Variants in GLIS1 observed in about 807,000 individuals in gnomAD.
GLIS1 encodes the protein zinc finger protein GLIS1.
In GLIS1, 24 loss-of-function variants were observed where a neutral mutation model predicts 63.8. The observed-to-expected ratio is 0.38, with a 90% CI of 0.27 to 0.53. The LOEUF (loss-of-function observed/expected upper bound fraction) is 0.53. Ranked by LOEUF, GLIS1 falls within the 20% of genes least tolerant of loss-of-function variation. The pLI is 0.85. For synonymous variants in GLIS1, 450 were observed against 482.5 expected (o/e 0.93, Z 0.88); for missense variants, 1,036 against 1,074.1 (o/e 0.96, Z 0.50).
chr1:53,690,888 C>T (rs1258219211), intron 2 of GLIS1, among the ~76,000 whole-genome samples: 2 of 152,318 alleles, frequency 1.3e-5, no homozygotes, highest in East Asian at 1.9e-4. Flanking sequence ...GTAATCCTCA[C>T]AACAACCCCT....
chr1:53,537,591 G>C (rs1644594207), intron 4 of GLIS1, among the ~76,000 whole-genome samples: 2 of 152,212 alleles, frequency 1.3e-5, no homozygotes, highest in African/African-American at 4.8e-5. Context: ...CAAACGGCTG[G>C]TAGAAGTAAA....
chr1:53,640,003 T>C (rs757061918), intron 2 of GLIS1, among the ~76,000 whole-genome samples: 5 of 152,204 alleles, frequency 3.3e-5, no homozygotes, highest in Non-Finnish European at 5.9e-5. Context: ...TTTAAATATA[T>C]ATGAGGTGCT....
intron 4 of GLIS1, among the ~76,000 whole-genome samples, chr1:53,579,781 G>A (rs926653872): frequency 1.3e-5 from 2 of 152,204 alleles, no homozygotes; most frequent in Non-Finnish European, 2.9e-5. Context: ...GGGCTCAGAG[G>A]GAGAGGTGCA....
intron 2 of GLIS1, among the ~76,000 whole-genome samples, chr1:53,614,374 A>C (rs1256705190): frequency 6.6e-6 from 1 of 152,182 alleles, no homozygotes; most frequent in Admixed American, 6.5e-5. Context: ...AGGGCATGCC[A>C]GGAAGGGGAA....
intron 2 of GLIS1, among the ~76,000 whole-genome samples, chr1:53,658,279 A>G (rs1241543218): frequency 6.6e-6 from 1 of 152,156 alleles, no homozygotes; most frequent in Non-Finnish European, 1.5e-5. Flanking sequence ...TTGCTACTAT[A>G]CACCTGATCT....
chr1:53,521,242 C>T (rs775218159), intron 6 of GLIS1, among the ~76,000 whole-genome samples: 44 of 149,148 alleles, frequency 3.0e-4, no homozygotes, highest in Middle Eastern at 3.4e-3. Flanking sequence ...GTGTGGTCTC[C>T]GATGGGTAGC....
intron 2 of GLIS1, among the ~76,000 whole-genome samples, chr1:53,632,295 G>A (rs1046563910): frequency 6.8e-6 from 1 of 147,174 alleles, no homozygotes; most frequent in Non-Finnish European, 1.5e-5. Flanking sequence ...TGAGGAGAAG[G>A]GAGAGTAAGG....
intron 4 of GLIS1, among the ~76,000 whole-genome samples, chr1:53,538,748 C>T (rs1644608067): frequency 6.6e-6 from 1 of 152,144 alleles, no homozygotes; most frequent in Admixed American, 6.5e-5. Flanking sequence ...GGGGTGGGGG[C>T]TGCAGACACC....
chr1:53,677,085 C>A (rs1646220998), intron 2 of GLIS1, among the ~76,000 whole-genome samples: 1 of 152,224 alleles, frequency 6.6e-6, no homozygotes, highest in Non-Finnish European at 1.5e-5. Context: ...GCTCTCCTTC[C>A]CCTGTCCCGC....
chr1:53,603,485 G>A (rs1322289829), intron 2 of GLIS1, among the ~76,000 whole-genome samples: 4 of 152,228 alleles, frequency 2.6e-5, no homozygotes, highest in Non-Finnish European at 4.4e-5. Flanking sequence ...GCTGTCACTG[G>A]AAAGATGCGG....
intron 6 of GLIS1, among the ~76,000 whole-genome samples, chr1:53,522,795 T>C (rs1644423208): frequency 6.6e-6 from 1 of 151,758 alleles, no homozygotes; most frequent in Non-Finnish European, 1.5e-5. Flanking sequence ...ATGCCTGTAG[T>C]CCCAGCTACT....
chr1:53,716,395 G>A (rs1228967816), intron 2 of GLIS1, among the ~76,000 whole-genome samples: 1 of 152,146 alleles, frequency 6.6e-6, no homozygotes, highest in East Asian at 1.9e-4. Flanking sequence ...GGGGAAAGGG[G>A]AGGGTCAGTA....
intron 2 of GLIS1, among the ~76,000 whole-genome samples, chr1:53,670,256 CCAAA>C (rs1387115251): frequency 6.6e-6 from 1 of 152,160 alleles, no homozygotes; most frequent in Non-Finnish European, 1.5e-5. Context: ...AAGCACCTGG[CCAAA>C]CAGAGACAGA....
intron 2 of GLIS1, among the ~76,000 whole-genome samples, chr1:53,712,875 A>T (rs1038292687): frequency 6.6e-6 from 1 of 152,184 alleles, no homozygotes; most frequent in African/African-American, 2.4e-5. Flanking sequence ...CAAACACGGC[A>T]CTGCCAGAAA....
chr1:53,520,382 G>A (rs1644395107), intron 7 of GLIS1, among the ~76,000 whole-genome samples: 2 of 152,250 alleles, frequency 1.3e-5, no homozygotes, highest in African/African-American at 2.4e-5. Context: ...ACGGGTGAGG[G>A]CTTCATGCCC....
chr1:53,591,027 G>A lies in GLIS1; in HGVS notation c.1320+3081C>T, dbSNP rs148628169. On this transcript the variant is annotated intron_variant, in intron 4 of 10. Transcript: ENST00000628545. ...TACCTCATGAAAGAACTGTGGAAAC[G>A]GCTGCTGGAAAGATAATAAAAGGAT... is the stretch of plus-strand genomic sequence containing the variant. 5.7e-3 allele frequency among the ~76,000 whole-genome samples: 870 copies of A among 152,304 alleles called. 5 individuals are homozygous for A. The highest frequency in any genetic ancestry group is 9.2e-3 in the Non-Finnish European group (626 of 68,020).
At chr1:53,601,085 C>T (rs1047033659) in intron 2 of GLIS1, among the ~76,000 whole-genome samples, 1 of 152,114 alleles carries the variant, frequency 6.6e-6, no homozygotes, top group African/African-American at 2.4e-5. Context: ...CTTATGCTTT[C>T]TGTCCTGTCA....
chr1:53,552,140 C>A (rs1435559049), intron 4 of GLIS1, among the ~76,000 whole-genome samples: 2 of 152,054 alleles, frequency 1.3e-5, no homozygotes, highest in Non-Finnish European at 2.9e-5. Flanking sequence ...TACATTCAAC[C>A]ACACACACAC....
chr1:53,597,516 C>T (rs1645271092), intron 3 of GLIS1, among the ~76,000 whole-genome samples: 4 of 152,112 alleles, frequency 2.6e-5, no homozygotes, highest in African/African-American at 7.2e-5. Context: ...ACTCAGGAAA[C>T]CGAGGCTTTT....
Sources: allele counts gnomAD v4.1 joint callset (sites outside exome capture counted in the v4.1 genomes callset), GRCh38; gene constraint gnomAD v4.1.1; transcripts MANE v1.5; gene names NCBI Gene and HGNC (gene_info 2026-07-23, HGNC 2026-07-21).